Variants in DDX10 observed in about 807,000 individuals in gnomAD.
The protein encoded by DDX10 is probable ATP-dependent RNA helicase DDX10.
DDX10 carries 74 observed loss-of-function variants against 104.3 expected under a neutral mutation model. The observed-to-expected ratio is 0.71, with a 90% confidence interval of 0.59 to 0.86. The LOEUF is 0.86. Ranked by LOEUF, DDX10 falls within the 40% of genes least tolerant of loss-of-function variation. DDX10 has a pLI of 0.00. For missense variants in DDX10, 952 were observed against 1,040.0 expected (o/e 0.92, Z 1.16); for synonymous variants, 351 against 353.4 (o/e 0.99, Z 0.08).
chr11:108,847,770 C>G (rs1278377665), intron 15 of DDX10, among the ~76,000 whole-genome samples: 2 of 152,144 alleles, frequency 1.3e-5, no homozygotes, highest in African/African-American at 4.8e-5. Flanking sequence ...CTGGACCCTG[C>G]AGTAAGTTTA....
intron 13 of DDX10, among the ~76,000 whole-genome samples, chr11:108,781,463 G>T (rs1388404579): frequency 6.6e-6 from 1 of 152,006 alleles, no homozygotes; most frequent in Non-Finnish European, 1.5e-5. Flanking sequence ...CTCTTATACA[G>T]TTGTTTCATA....
intron 17 of DDX10, among the ~76,000 whole-genome samples, chr11:108,933,664 C>G (rs570787668): frequency 8.5e-5 from 13 of 152,266 alleles, no homozygotes; most frequent in Middle Eastern, 3.4e-3. Flanking sequence ...TTTTAATTTT[C>G]ACTGTGGCTT....
chr11:108,910,781 GTGTGTGTGTCTGTGTGTGTC>G (rs1345885178), intron 16 of DDX10, among the ~76,000 whole-genome samples: 3 of 130,600 alleles, frequency 2.3e-5, no homozygotes, highest in African/African-American at 8.6e-5. Flanking sequence ...GTGTGTGTGT[GTGTGTGTGTCTGTGTGTGTC>G]TGTGTCTGTG....
chr11:108,852,281 G>A (rs1469348839), intron 16 of DDX10, 72 bp downstream of exon 16: 1 of 1,174,534 alleles, frequency 8.5e-7, no homozygotes, highest in Non-Finnish European at 1.2e-6. Context: ...TTATATTTTG[G>A]CAAGAACAAT....
chr11:108,772,698 G>C (rs1373324816), intron 13 of DDX10, among the ~76,000 whole-genome samples: 1 of 152,202 alleles, frequency 6.6e-6, no homozygotes, highest in Non-Finnish European at 1.5e-5. Context: ...CGGCCAGGCG[G>C]GTGAGCGGGC....
At position 108,711,480 on chromosome 11, in the gene DDX10, G is replaced by A. The variant is rs184702963; in HGVS notation, c.1323-4399G>A. On this transcript the variant is annotated intron_variant, in intron 10 of 17. Coordinates refer to ENST00000322536, the MANE Select transcript of DDX10 (RefSeq NM_004398.4). Reference sequence around the variant, plus strand: ...CCTGAGTAGCTGGGATTACAGACACGTGCCGCCATGCCTGGCTAATTTTTG... The same window carrying A: ...CCTGAGTAGCTGGGATTACAGACACATGCCGCCATGCCTGGCTAATTTTTG... Among the ~76,000 whole-genome samples the A allele has an allele frequency of 1.6e-4, 25 of 152,254 alleles. 1 individual carries two copies. In the East Asian group the frequency reaches 4.5e-3, roughly 27 times the overall value.
intron 13 of DDX10, among the ~76,000 whole-genome samples, chr11:108,795,364 T>C (rs1009955223): frequency 6.6e-6 from 1 of 151,510 alleles, no homozygotes; most frequent in Admixed American, 6.6e-5. Flanking sequence ...CATGCACATA[T>C]GTATACATGT....
intron 13 of DDX10, among the ~76,000 whole-genome samples, chr11:108,758,758 T>G (rs2094347418): frequency 6.6e-6 from 1 of 152,094 alleles, no homozygotes; most frequent in Non-Finnish European, 1.5e-5. Flanking sequence ...CTTTTGACTT[T>G]TGATTACATT....
chr11:108,887,877 A>G (rs1863320389), intron 16 of DDX10, among the ~76,000 whole-genome samples: 7 of 152,260 alleles, frequency 4.6e-5, no homozygotes, highest in Admixed American at 4.6e-4. Flanking sequence ...CCGCGATCAC[A>G]CCACTCTCCA....
chr11:108,750,257 G>A (rs1425570802), intron 13 of DDX10, among the ~76,000 whole-genome samples: 2 of 151,960 alleles, frequency 1.3e-5, no homozygotes, highest in Non-Finnish European at 2.9e-5. Flanking sequence ...ATGTTTAGCA[G>A]TTAGTGATGC....
intron 6 of DDX10, among the ~76,000 whole-genome samples, chr11:108,687,151 C>G (rs2094245414): frequency 6.6e-6 from 1 of 152,238 alleles, no homozygotes; most frequent in Non-Finnish European, 1.5e-5. Flanking sequence ...TTTTGCATTT[C>G]TGCCAGCAGT....
intron 13 of DDX10, among the ~76,000 whole-genome samples, chr11:108,782,316 C>T (rs2094379256): frequency 6.6e-6 from 1 of 152,174 alleles, no homozygotes. Context: ...TCAATTTCTT[C>T]TATCAATTCA....
chr11:108,673,033 A>G (rs1225915692), intron 1 of DDX10, among the ~76,000 whole-genome samples: 1 of 151,958 alleles, frequency 6.6e-6, no homozygotes, highest in Non-Finnish European at 1.5e-5. Context: ...AACTAATTTC[A>G]CTCTTTTTTC....
rs35878699 is a variant in DDX10, at chr11:108,816,555, CT to C, written c.1966-21876del. On this transcript the variant is annotated intron_variant, in intron 13 of 17. Coordinates refer to ENST00000322536, the MANE Select transcript of DDX10 (RefSeq NM_004398.4). ...TTGTGTGTAGACCAATAAAAATAGC[CT>C]TTTTTTTTTTTTTTGAGAGGGAGTC... 3.1e-3 allele frequency among the ~76,000 whole-genome samples: 422 copies of C among 137,304 alleles called. 1 individual carries two copies. Among genetic ancestry groups the C allele is most frequent in the African/African-American group, 7.4e-3 (277 of 37,510 alleles). The allele number at this position is 137,304 out of a possible 152,430, so 90.1% of individuals were successfully genotyped here.
chr11:108,674,109 G>A (rs1250301466), intron 2 of DDX10, among the ~76,000 whole-genome samples: 1 of 152,058 alleles, frequency 6.6e-6, no homozygotes, highest in African/African-American at 2.4e-5. Flanking sequence ...GGATCACAGG[G>A]TCAGGAGTTT....
At chr11:108,748,156 TC>T (rs1565266450) in intron 13 of DDX10, among the ~76,000 whole-genome samples, 1 of 152,186 alleles carries the variant, frequency 6.6e-6, no homozygotes, top group African/African-American at 2.4e-5. Context: ...TAGCAGCCTG[TC>T]CTAAGGATGG....
intron 7 of DDX10, chr11:108,690,940 C>G (rs1342578318): frequency 6.6e-6 from 1 of 152,564 alleles, no homozygotes; most frequent in Non-Finnish European, 1.5e-5. Flanking sequence ...TTCCGCTGCA[C>G]CAGCATCATC....
intron 13 of DDX10, among the ~76,000 whole-genome samples, chr11:108,753,013 A>G (rs2094340526): frequency 6.6e-6 from 1 of 152,060 alleles, no homozygotes; most frequent in Non-Finnish European, 1.5e-5. Context: ...GCCAAGCTAT[A>G]ATGTTGGAAA....
chr11:108,923,389 A>C (rs1255699760), intron 17 of DDX10, among the ~76,000 whole-genome samples: 3 of 152,238 alleles, frequency 2.0e-5, no homozygotes, highest in African/African-American at 4.8e-5. Flanking sequence ...GTTCAAAATA[A>C]AAATATTTTT....
Sources: allele counts gnomAD v4.1 joint callset (sites outside exome capture counted in the v4.1 genomes callset), GRCh38; gene constraint gnomAD v4.1.1; transcripts MANE v1.5; gene names NCBI Gene and HGNC (gene_info 2026-07-23, HGNC 2026-07-21).